CDK13: variants seen among roughly 807,000 people sequenced by gnomAD.
The protein encoded by CDK13 is cyclin dependent kinase 13, also known as cyclin-dependent kinase 13.
Under a neutral mutation model 137.6 loss-of-function variants are expected in CDK13, and 40 were observed. That is an observed-to-expected ratio of 0.29 (90% CI 0.23 to 0.38). CDK13 has a LOEUF of 0.38. Ranked by LOEUF, CDK13 falls within the 10% of genes least tolerant of loss-of-function variation. CDK13 has a pLI of 1.00. For synonymous variants in CDK13, 869 were observed against 760.1 expected, an observed-to-expected ratio of 1.14 and a Z score of -2.36; for missense variants, 1,704 against 1,951.8, an observed-to-expected ratio of 0.87 and a Z score of 2.39.
intron 5 of CDK13, among the ~76,000 whole-genome samples, chr7:40,043,498 T>C (rs1443030937): frequency 3.3e-5 from 5 of 152,172 alleles, no homozygotes; most frequent in Non-Finnish European, 7.4e-5. Flanking sequence ...AGAAAAACCA[T>C]TGGTCCTTTT....
chr7:40,054,420 A>G (rs1271798666), intron 7 of CDK13, among the ~76,000 whole-genome samples: 6 of 152,122 alleles, frequency 3.9e-5, no homozygotes, highest in Non-Finnish European at 5.9e-5. Flanking sequence ...TGAAAGTTAT[A>G]TTAAAGTCTG....
intron 5 of CDK13, among the ~76,000 whole-genome samples, chr7:40,019,474 A>T (rs2116392336): frequency 6.6e-6 from 1 of 152,334 alleles, no homozygotes. Flanking sequence ...GGTGGCCAGC[A>T]GTCTTGAGTC....
At chr7:40,011,696 G>A (rs917411429) in intron 5 of CDK13, among the ~76,000 whole-genome samples, 4 of 149,722 alleles carry the variant, frequency 2.7e-5, no homozygotes, top group African/African-American at 9.7e-5. Flanking sequence ...AGAAAAGGTA[G>A]GAGTAAGACT....
rs1214718645 is a variant in CDK13, at chr7:39,955,235, A to G, written c.1211+3383A>G. Among the ~76,000 whole-genome samples the G allele has an allele frequency of 1.3e-5, 2 of 152,124 alleles. 1 individual carries two copies. The highest frequency in any genetic ancestry group is 2.9e-5 in the Non-Finnish European group (2 of 68,032). ...TGCCAGGCATTGATAAATATTTAAC[A>G]TATATTGACCACCAAAATCCATGTG... is the stretch of plus-strand genomic sequence containing the variant. On this transcript the variant is annotated intron_variant, in intron 1 of 13. Transcript: ENST00000181839.
intron 1 of CDK13, chr7:39,986,370 T>C (rs1562712902): frequency 6.6e-6 from 1 of 152,190 alleles, no homozygotes; most frequent in Non-Finnish European, 1.5e-5. Context: ...CTTTTAAATA[T>C]ATGTTTTCCA....
intron 5 of CDK13, among the ~76,000 whole-genome samples, chr7:40,016,640 CT>C (rs1403232519): frequency 6.6e-6 from 1 of 152,018 alleles, no homozygotes; most frequent in Non-Finnish European, 1.5e-5. Flanking sequence ...TGTGGCATAA[CT>C]TTTAAACAAG....
chr7:40,026,525 A>G (rs1445461770), intron 5 of CDK13, among the ~76,000 whole-genome samples: 1 of 152,240 alleles, frequency 6.6e-6, no homozygotes, highest in Non-Finnish European at 1.5e-5. Context: ...AAATAAATAA[A>G]TAACAATCTA....
intron 5 of CDK13, among the ~76,000 whole-genome samples, chr7:40,002,538 A>G (rs1309880087): frequency 6.6e-6 from 1 of 152,186 alleles, no homozygotes; most frequent in Admixed American, 6.5e-5. Context: ...CCTGCTTATT[A>G]AAGTAGTTAT....
intron 9 of CDK13, among the ~76,000 whole-genome samples, chr7:40,064,730 A>G: frequency 6.6e-6 from 1 of 151,986 alleles, no homozygotes; most frequent in Non-Finnish European, 1.5e-5. Context: ...ATTATGAAAA[A>G]GAAGAAGGGA....
At chr7:40,048,470 A>G (rs1428729513) in intron 7 of CDK13, 2 of 152,168 alleles carry the variant, frequency 1.3e-5, no homozygotes, top group Non-Finnish European at 2.9e-5. Flanking sequence ...TTTTTGTGCA[A>G]TAGTAGGTTT....
At chr7:40,003,196 ACACACACACACTCTCTCT>A (rs1346477765) in intron 5 of CDK13, among the ~76,000 whole-genome samples, 14 of 107,544 alleles carry the variant, frequency 1.3e-4, no homozygotes, top group South Asian at 3.1e-4. Flanking sequence ...ACACACACAC[ACACACACACACTCTCTCT>A]CTCTCTCTCT....
chr7:40,083,511 C>T (rs528800501), intron 11 of CDK13, among the ~76,000 whole-genome samples: 66 of 152,292 alleles, frequency 4.3e-4, no homozygotes, highest in African/African-American at 1.5e-3. Context: ...ATCAGTGCTA[C>T]TTTGCCAGTC....
intron 1 of CDK13, among the ~76,000 whole-genome samples, chr7:39,978,764 T>C (rs1278749167): frequency 3.9e-5 from 6 of 152,192 alleles, no homozygotes; most frequent in African/African-American, 2.4e-5. Context: ...AAGCTCACAA[T>C]TGGTGCTGAT....
chr7:40,051,797 A>G (rs986093302), intron 7 of CDK13, among the ~76,000 whole-genome samples: 2 of 152,212 alleles, frequency 1.3e-5, no homozygotes, highest in Non-Finnish European at 2.9e-5. Flanking sequence ...CTATTGAAGA[A>G]AGAAAGAGAA....
chr7:40,000,027 TTAA>T (rs139396363), intron 4 of CDK13, among the ~76,000 whole-genome samples: 7,339 of 152,274 alleles, frequency 0.048, 249 homozygotes, highest in Middle Eastern at 0.082. Context: ...TGTATTTTAC[TTAA>T]TAATGCATAG....
At chr7:40,051,869 A>G (rs1473112756) in intron 7 of CDK13, among the ~76,000 whole-genome samples, 2 of 152,204 alleles carry the variant, frequency 1.3e-5, no homozygotes, top group Non-Finnish European at 2.9e-5. Flanking sequence ...TCTCATTTTG[A>G]ACATTGGGAT....
At chr7:39,998,771 C>T (rs1041504393) in intron 3 of CDK13, 3 of 152,062 alleles carry the variant, frequency 2.0e-5, no homozygotes, top group African/African-American at 7.2e-5. Context: ...TTTTGTCCTA[C>T]CTGTCCATTT....
intron 5 of CDK13, among the ~76,000 whole-genome samples, chr7:40,040,275 A>G (rs1188554210): frequency 6.6e-6 from 1 of 152,220 alleles, no homozygotes; most frequent in Non-Finnish European, 1.5e-5. Context: ...AGTTATCCCA[A>G]TACCACCAAT....
intron 6 of CDK13, among the ~76,000 whole-genome samples, chr7:40,046,629 A>G (rs776956827): frequency 2.2e-4 from 33 of 152,168 alleles, no homozygotes; most frequent in Admixed American, 9.2e-4. Flanking sequence ...CCTAGGTGAC[A>G]CAGCGAGACT....
Sources: allele counts gnomAD v4.1 joint callset (sites outside exome capture counted in the v4.1 genomes callset), GRCh38; gene constraint gnomAD v4.1.1; transcripts MANE v1.5; gene names NCBI Gene and HGNC (gene_info 2026-07-23, HGNC 2026-07-21).